Variants in CNTN3 observed in about 807,000 individuals in gnomAD.
CNTN3 encodes contactin-3.
Under a neutral mutation model 119.1 loss-of-function variants are expected in CNTN3, and 60 were observed. The ratio of observed to expected loss-of-function variants is 0.50; its 90% confidence interval spans 0.41 to 0.62. CNTN3 has a LOEUF of 0.62. Ranked by LOEUF, CNTN3 falls within the 20% of genes least tolerant of loss-of-function variation. CNTN3 has a pLI of 0.00. For missense variants in CNTN3, 1,101 were observed against 1,242.4 expected (o/e 0.89, Z 1.71); for synonymous variants, 450 against 438.7 (o/e 1.03, Z -0.32).
chr3:74,449,637 A>G (rs375941074), intron 4 of CNTN3, among the ~76,000 whole-genome samples: 3 of 152,238 alleles, frequency 2.0e-5, no homozygotes, highest in East Asian at 3.9e-4. Flanking sequence ...AACTGCAGAA[A>G]GCGGTAATTT....
At chr3:74,450,208 A>G (rs1702122753) in intron 4 of CNTN3, among the ~76,000 whole-genome samples, 1 of 152,114 alleles carries the variant, frequency 6.6e-6, no homozygotes, top group Non-Finnish European at 1.5e-5. Context: ...AACATTTAAA[A>G]AATACATGTG....
chr3:74,511,608 A>G (rs1703364345), intron 2 of CNTN3, among the ~76,000 whole-genome samples: 1 of 152,098 alleles, frequency 6.6e-6, no homozygotes, highest in Non-Finnish European at 1.5e-5. Context: ...GTTCAAGGTT[A>G]TAGTGAACTA....
intron 5 of CNTN3, among the ~76,000 whole-genome samples, chr3:74,391,589 A>T (rs1166768780): frequency 2.8e-5 from 3 of 107,352 alleles, no homozygotes; most frequent in African/African-American, 1.2e-4. Context: ...TTTGAGACAG[A>T]GGAGTCTTGC....
At chr3:74,511,362 C>T (rs1703360617) in intron 2 of CNTN3, among the ~76,000 whole-genome samples, 1 of 152,104 alleles carries the variant, frequency 6.6e-6, no homozygotes, top group Non-Finnish European at 1.5e-5. Context: ...TATCAAATAA[C>T]ATATCTTGGA....
At chr3:74,423,502 C>T (rs1286503867) in intron 5 of CNTN3, among the ~76,000 whole-genome samples, 1 of 152,154 alleles carries the variant, frequency 6.6e-6, no homozygotes, top group African/African-American at 2.4e-5. Flanking sequence ...CCACTAACCC[C>T]ACACCCCGTG....
At chr3:74,358,379 T>A (rs1703990353) in intron 11 of CNTN3, among the ~76,000 whole-genome samples, 1 of 151,986 alleles carries the variant, frequency 6.6e-6, no homozygotes, top group South Asian at 2.1e-4. Flanking sequence ...TTAGCAATTA[T>A]TTTCCTCTCT....
At chr3:74,407,158 A>G (rs1701338033) in intron 5 of CNTN3, among the ~76,000 whole-genome samples, 1 of 152,132 alleles carries the variant, frequency 6.6e-6, no homozygotes, top group African/African-American at 2.4e-5. Flanking sequence ...ATGCTAAGAT[A>G]AAGAAATGTG....
chr3:74,302,477 A>G (rs1702479506), intron 14 of CNTN3, among the ~76,000 whole-genome samples: 1 of 152,228 alleles, frequency 6.6e-6, no homozygotes, highest in Non-Finnish European at 1.5e-5. Flanking sequence ...TGGAATGCCA[A>G]TTACAGTGAG....
intron 4 of CNTN3, among the ~76,000 whole-genome samples, chr3:74,457,974 A>G (rs1254554796): frequency 6.6e-6 from 1 of 152,036 alleles, no homozygotes; most frequent in East Asian, 1.9e-4. Flanking sequence ...TGGCTTGACC[A>G]TACAATTTAT....
At chr3:74,379,964 G>A (rs1704574886) in intron 5 of CNTN3, among the ~76,000 whole-genome samples, 2 of 152,166 alleles carry the variant, frequency 1.3e-5, no homozygotes, top group Non-Finnish European at 2.9e-5. Flanking sequence ...ATGAAACTTA[G>A]ACAATTCCCT....
intron 1 of CNTN3, among the ~76,000 whole-genome samples, chr3:74,544,615 G>A (rs561495919): frequency 3.3e-5 from 5 of 151,878 alleles, no homozygotes; most frequent in African/African-American, 9.7e-5. Flanking sequence ...AAAGCAGTGC[G>A]GGGGACAGAG....
intron 13 of CNTN3, among the ~76,000 whole-genome samples, chr3:74,328,607 T>A (rs1703185568): frequency 6.6e-6 from 1 of 152,188 alleles, no homozygotes; most frequent in African/African-American, 2.4e-5. Context: ...GGACTATTCA[T>A]CTTCATAAAT....
intron 20 of CNTN3, among the ~76,000 whole-genome samples, chr3:74,272,531 A>G (rs1423659324): frequency 1.3e-5 from 2 of 152,084 alleles, no homozygotes; most frequent in Admixed American, 1.3e-4. Flanking sequence ...GGAAAAAAAC[A>G]CCCTCCTGAA....
intron 4 of CNTN3, among the ~76,000 whole-genome samples, chr3:74,455,349 T>C (rs1702247683): frequency 6.6e-6 from 1 of 152,036 alleles, no homozygotes; most frequent in Non-Finnish European, 1.5e-5. Flanking sequence ...GGCTTTCAGC[T>C]CCATCAGCTC....
intron 8 of CNTN3, among the ~76,000 whole-genome samples, chr3:74,367,422 G>A (rs1278185152): frequency 6.6e-6 from 1 of 151,882 alleles, no homozygotes; most frequent in African/African-American, 2.4e-5. Flanking sequence ...ACCTCACATT[G>A]TCTATAGAAA....
intron 20 of CNTN3, among the ~76,000 whole-genome samples, chr3:74,268,747 T>C (rs1190998860): frequency 6.6e-6 from 1 of 152,100 alleles, no homozygotes; most frequent in African/African-American, 2.4e-5. Flanking sequence ...ATAATATGAA[T>C]GTACAATTTT....
chr3:74,487,177 G>A (rs1256610536), intron 3 of CNTN3, among the ~76,000 whole-genome samples: 1 of 152,104 alleles, frequency 6.6e-6, no homozygotes, highest in Non-Finnish European at 1.5e-5. Flanking sequence ...TGTGGTAAAT[G>A]ACCATAAACA....
chr3:74,485,740 G>GA (rs5850178), intron 4 of CNTN3, among the ~76,000 whole-genome samples: 113 of 145,112 alleles, frequency 7.8e-4, no homozygotes, highest in Admixed American at 1.9e-3. Context: ...CTAATAAAAA[G>GA]AAAAAAAAAA....
chr3:74,312,406 A>T (rs957519691), intron 13 of CNTN3, among the ~76,000 whole-genome samples: 15 of 137,166 alleles, frequency 1.1e-4, no homozygotes, highest in Non-Finnish European at 2.1e-4. Flanking sequence ...CAGTGAGCTG[A>T]GATTGCACCA....
Sources: gnomAD v4.1 joint callset for allele counts (sites outside exome capture counted in the v4.1 genomes callset) on GRCh38, gnomAD v4.1.1 for gene constraint, MANE v1.5 for transcripts, NCBI Gene and HGNC (gene_info 2026-07-23, HGNC 2026-07-21) for gene names.